Variants in STK33 observed in about 807,000 individuals in gnomAD.
STK33 encodes the protein serine/threonine-protein kinase 33.
In STK33, 52 loss-of-function variants were observed where a neutral mutation model predicts 58.0. The observed-to-expected ratio is 0.90, with a 90% CI of 0.72 to 1.13. The LOEUF is 1.13. Among genes scored for constraint, STK33 ranks in the 50% most tolerant of loss-of-function variants. The probability of loss-of-function intolerance (pLI) is 0.00; values close to 1 mark genes in which losing one functional copy is unlikely to be tolerated. For synonymous variants in STK33, 215 were observed against 200.1 expected (o/e 1.07, Z -0.63); for missense variants, 630 against 604.2 (o/e 1.04, Z -0.45).
chr11:8,385,247 A>C, the STK33 span, among the ~76,000 whole-genome samples: 1 of 152,208 alleles, frequency 6.6e-6, no homozygotes, highest in Admixed American at 6.5e-5. Context: ...CACTTTGCAT[A>C]ATTCATTTAC....
At chr11:8,371,903 T>G in the STK33 span, among the ~76,000 whole-genome samples, 1 of 151,530 alleles carries the variant, frequency 6.6e-6, no homozygotes, top group African/African-American at 2.4e-5. Flanking sequence ...TTTATTTTTT[T>G]GAGACTGGGT....
intron 1 of STK33, among the ~76,000 whole-genome samples, chr11:8,544,686 T>G (rs1348218712): frequency 6.6e-6 from 1 of 152,092 alleles, no homozygotes; most frequent in Non-Finnish European, 1.5e-5. Context: ...TCCCAAACTA[T>G]TTCCCTTTAA....
chr11:8,468,954 C>T (rs4406818), intron 6 of STK33, among the ~76,000 whole-genome samples: 2 of 152,082 alleles, frequency 1.3e-5, no homozygotes, highest in South Asian at 2.1e-4. Flanking sequence ...TTTTAAAATG[C>T]TGCATTGCAA....
At chr11:8,507,735 C>T (rs1299724545) in intron 1 of STK33, among the ~76,000 whole-genome samples, 1 of 152,166 alleles carries the variant, frequency 6.6e-6, no homozygotes, top group Non-Finnish European at 1.5e-5. Flanking sequence ...AAACTGACAA[C>T]TGAGGCAAAT....
At chr11:8,481,379 C>G (rs779787465) in intron 1 of STK33, among the ~76,000 whole-genome samples, 3 of 152,200 alleles carry the variant, frequency 2.0e-5, no homozygotes, top group Non-Finnish European at 2.9e-5. Context: ...CCCTCCAGGG[C>G]AGGAACCATG....
At chr11:8,382,602 T>C in the STK33 span, among the ~76,000 whole-genome samples, 12 of 152,094 alleles carry the variant, frequency 7.9e-5, no homozygotes, top group African/African-American at 2.7e-4. Flanking sequence ...CGTGGGGACA[T>C]GCAGCTTACA....
the STK33 span, among the ~76,000 whole-genome samples, chr11:8,340,211 C>T: frequency 3.9e-5 from 6 of 152,164 alleles, no homozygotes; most frequent in African/African-American, 1.4e-4. Flanking sequence ...AGGGGCTTCC[C>T]TTGATTTACA....
chr11:8,410,078 A>G (rs1160329616), intron 15 of STK33, among the ~76,000 whole-genome samples: 1 of 152,228 alleles, frequency 6.6e-6, no homozygotes, highest in East Asian at 1.9e-4. Context: ...ACAATTATGC[A>G]AGTACTGTCA....
the STK33 span, among the ~76,000 whole-genome samples, chr11:8,381,733 T>C: frequency 1.3e-5 from 2 of 152,210 alleles, no homozygotes; most frequent in African/African-American, 4.8e-5. Context: ...ATGCCTGTCA[T>C]TATTTCTTTT....
At chr11:8,351,352 C>T in the STK33 span, among the ~76,000 whole-genome samples, 1 of 152,202 alleles carries the variant, frequency 6.6e-6, no homozygotes, top group Admixed American at 6.5e-5. Flanking sequence ...GGGTCCTGAC[C>T]CCAGTCCACA....
rs199904183 is a variant in STK33, at chr11:8,461,860, T to C, written c.503A>G (p.Lys168Arg). ...KLLEREVNIL[K>R]SVKHEHIIHL... Reference sequence around the variant, plus strand: ...TATGATGTGTTCATGTTTTACACTTTTCAGAATGTTCACCTCTCGTTCAAG... The same window carrying C: ...TATGATGTGTTCATGTTTTACACTTCTCAGAATGTTCACCTCTCGTTCAAG... Residue 168 changes from lysine to arginine, a missense_variant, in exon 8 of 16, where the codon AAA becomes AGA. By Grantham distance (26) the Lys-to-Arg change is conservative. Transcript: ENST00000687296. 157 of 1,602,290 alleles carry C rather than the reference T, an allele frequency of 9.8e-5. No homozygotes were observed. The highest frequency in any genetic ancestry group is 2.4e-4 in the South Asian group (21 of 89,084).
At chr11:8,560,161 A>C (rs1957025471) in intron 1 of STK33, among the ~76,000 whole-genome samples, 2 of 152,170 alleles carry the variant, frequency 1.3e-5, no homozygotes, top group African/African-American at 4.8e-5. Context: ...CACTCTTAGC[A>C]GTAGCACTGC....
At chr11:8,438,431 T>A (rs1404224519) in intron 12 of STK33, among the ~76,000 whole-genome samples, 1 of 152,114 alleles carries the variant, frequency 6.6e-6, no homozygotes, top group Admixed American at 6.5e-5. Context: ...TAGAAATGAA[T>A]CAAAGGTAAC....
At chr11:8,377,913 C>CT in the STK33 span, among the ~76,000 whole-genome samples, 1 of 152,128 alleles carries the variant, frequency 6.6e-6, no homozygotes, top group Non-Finnish European at 1.5e-5. Context: ...TAAAAGATCC[C>CT]TACAAAGAGA....
At chr11:8,449,968 G>T (rs1946066131) in intron 11 of STK33, among the ~76,000 whole-genome samples, 1 of 152,180 alleles carries the variant, frequency 6.6e-6, no homozygotes, top group African/African-American at 2.4e-5. Flanking sequence ...GTGCAAATTA[G>T]TTCAACCATT....
chr11:8,527,435 C>T (rs966320792), intron 1 of STK33, among the ~76,000 whole-genome samples: 3 of 151,688 alleles, frequency 2.0e-5, no homozygotes, highest in African/African-American at 4.8e-5. Context: ...TTGCTTTGTA[C>T]ATTTCTCTGT....
At chr11:8,521,552 G>A (rs1019364801) in intron 1 of STK33, among the ~76,000 whole-genome samples, 1 of 152,186 alleles carries the variant, frequency 6.6e-6, no homozygotes, top group African/African-American at 2.4e-5. Context: ...ATACCATTAA[G>A]GATATAGGTG....
At chr11:8,387,641 A>T (rs193217364), downstream of STK33, among the ~76,000 whole-genome samples, 3 of 152,224 alleles carry the variant, frequency 2.0e-5, no homozygotes, top group Non-Finnish European at 4.4e-5. Flanking sequence ...GATCCCATCC[A>T]CTATTATAGC....
chr11:8,393,138 C>T (rs75818783), intron 15 of STK33, among the ~76,000 whole-genome samples: 1 of 152,320 alleles, frequency 6.6e-6, no homozygotes, highest in African/African-American at 2.4e-5. Flanking sequence ...GGCCCACACT[C>T]ACATCCCCAC....
Sources: allele counts gnomAD v4.1 joint callset (sites outside exome capture counted in the v4.1 genomes callset), GRCh38; gene constraint gnomAD v4.1.1; transcripts MANE v1.5; gene names NCBI Gene and HGNC (gene_info 2026-07-23, HGNC 2026-07-21).